MAGI1: variants seen among roughly 807,000 people sequenced by gnomAD.
MAGI1 encodes the protein membrane associated guanylate kinase, WW and PDZ domain containing 1.
MAGI1 carries 58 observed loss-of-function variants against 139.9 expected under a neutral mutation model. The ratio of observed to expected loss-of-function variants is 0.41; its 90% confidence interval spans 0.34 to 0.52. MAGI1 has a LOEUF of 0.52. Ranked by LOEUF, MAGI1 falls within the 20% of genes least tolerant of loss-of-function variation. The probability of loss-of-function intolerance (pLI) is 0.12; values close to 1 mark genes in which losing one functional copy is unlikely to be tolerated. For missense variants in MAGI1, 1,874 were observed against 1,901.6 expected (o/e 0.99, Z 0.27); for synonymous variants, 812 against 737.9 (o/e 1.10, Z -1.63).
chr3:65,674,953 T>C (rs1480686537), intron 1 of MAGI1, among the ~76,000 whole-genome samples: 7 of 152,342 alleles, frequency 4.6e-5, no homozygotes. Context: ...CCTTTGCTCC[T>C]GGTTCCCAAC....
At chr3:65,540,077 G>A (rs2079139931) in intron 2 of MAGI1, among the ~76,000 whole-genome samples, 1 of 152,136 alleles carries the variant, frequency 6.6e-6, no homozygotes, top group African/African-American at 2.4e-5. Flanking sequence ...ACAACATATG[G>A]AAAGTGCTTA....
At chr3:65,533,487 T>G (rs2078812005) in intron 2 of MAGI1, among the ~76,000 whole-genome samples, 1 of 152,212 alleles carries the variant, frequency 6.6e-6, no homozygotes, top group Non-Finnish European at 1.5e-5. Context: ...AATCATTACT[T>G]TAGTGTTGTG....
At chr3:65,561,757 C>T (rs1392943008) in intron 2 of MAGI1, among the ~76,000 whole-genome samples, 2 of 152,158 alleles carry the variant, frequency 1.3e-5, no homozygotes, top group Non-Finnish European at 2.9e-5. Context: ...CAAGCCATTG[C>T]TTTTAAAACT....
At chr3:65,610,222 A>C (rs4450738) in intron 2 of MAGI1, among the ~76,000 whole-genome samples, 103,524 of 151,950 alleles carry the variant, frequency 0.68, 36,122 homozygotes, top group Non-Finnish European at 0.76. Flanking sequence ...AAGCAATGCA[A>C]GACACTGAAT....
intron 22 of MAGI1, chr3:65,359,734 T>C (rs1940609129): frequency 2.0e-6 from 2 of 985,674 alleles, no homozygotes; most frequent in Non-Finnish European, 2.4e-6. Context: ...TCAACCCTTC[T>C]TGGAAAACCA....
chr3:65,879,737 T>C (rs570587395), intron 1 of MAGI1, among the ~76,000 whole-genome samples: 13 of 152,334 alleles, frequency 8.5e-5, no homozygotes, highest in African/African-American at 3.1e-4. Flanking sequence ...GGTAGCATTA[T>C]CATTTCATGA....
At chr3:65,975,015 G>C (rs1262167076) in intron 1 of MAGI1, among the ~76,000 whole-genome samples, 1 of 151,258 alleles carries the variant, frequency 6.6e-6, no homozygotes, top group Non-Finnish European at 1.5e-5. Context: ...CATAGGCAGG[G>C]TTATTTTTGT....
intron 1 of MAGI1, among the ~76,000 whole-genome samples, chr3:65,957,438 T>C (rs1186676692): frequency 2.7e-5 from 4 of 150,430 alleles, no homozygotes; most frequent in Non-Finnish European, 3.0e-5. Flanking sequence ...GGAAGATCGC[T>C]TGAGCCTGGG....
intron 2 of MAGI1, among the ~76,000 whole-genome samples, chr3:65,549,063 C>T (rs939828481): frequency 2.0e-5 from 3 of 152,078 alleles, no homozygotes; most frequent in African/African-American, 4.8e-5. Flanking sequence ...CCTGCCCTGG[C>T]GCCGCAGCCA....
Position 65,430,083 on chromosome 3 carries a change from A to G in MAGI1, c.1604T>C (p.Val535Ala). 6.2e-7 allele frequency: 1 copy of G among 1,613,806 alleles called. No homozygotes were observed. The highest frequency in any genetic ancestry group is 8.5e-7 in the Non-Finnish European group (1 of 1,179,870). The part of the protein sequence containing the change: ...TCVLGHTHAQ[V>A]VKIFQSIPIG... The stretch of plus-strand genomic sequence containing the variant: ...GGGGATGGACTGGAAGATCTTCACA[A>G]CTTGAGCATGTGTGTGTCCCAAAAC... The change falls in exon 12 of 23, where the codon GTT becomes GCT. Residue 535 changes from valine (V) to alanine (A), a missense_variant. Val to Ala is a moderately conservative substitution (Grantham distance 64). Coordinates refer to ENST00000402939, the MANE Select transcript of MAGI1 (RefSeq NM_001033057.2).
chr3:65,927,742 A>C (rs1298056328), intron 1 of MAGI1, among the ~76,000 whole-genome samples: 1 of 152,178 alleles, frequency 6.6e-6, no homozygotes, highest in African/African-American at 2.4e-5. Context: ...CACAAGATCA[A>C]CATCAGCCAA....
chr3:65,609,657 T>C (rs2106918877), intron 2 of MAGI1: 1 of 164,132 alleles, frequency 6.1e-6, no homozygotes, highest in Admixed American at 6.2e-5. Flanking sequence ...TGCTCATAGT[T>C]CACTGCAGCC....
chr3:65,400,143 C>T (rs1230296647), intron 13 of MAGI1, among the ~76,000 whole-genome samples: 5 of 152,196 alleles, frequency 3.3e-5, no homozygotes, highest in Non-Finnish European at 7.3e-5. Flanking sequence ...TGCGCACATG[C>T]ACACACTTTG....
chr3:65,683,674 ATATG>A (rs200874454), intron 1 of MAGI1, among the ~76,000 whole-genome samples: 233 of 90,446 alleles, frequency 2.6e-3, no homozygotes, highest in East Asian at 6.6e-3. Flanking sequence ...ATATATATAT[ATATG>A]TATGGCAAGC....
At chr3:66,001,055 G>T (rs2066712884) in intron 1 of MAGI1, among the ~76,000 whole-genome samples, 1 of 152,312 alleles carries the variant, frequency 6.6e-6, no homozygotes, top group Admixed American at 6.5e-5. Context: ...CAAGGGACCT[G>T]CTATCAAATA....
At chr3:65,864,968 C>T (rs1435923937) in intron 1 of MAGI1, among the ~76,000 whole-genome samples, 1 of 152,038 alleles carries the variant, frequency 6.6e-6, no homozygotes, top group Non-Finnish European at 1.5e-5. Context: ...TGTAGATATA[C>T]ACACCTGTAA....
intron 1 of MAGI1, among the ~76,000 whole-genome samples, chr3:65,919,957 G>C (rs773557773): frequency 4.6e-5 from 7 of 152,082 alleles, no homozygotes; most frequent in Non-Finnish European, 8.8e-5. Context: ...TGGAAACTCA[G>C]GAATGAAATA....
chr3:65,646,575 T>C (rs977159), intron 1 of MAGI1, among the ~76,000 whole-genome samples: 130,744 of 152,082 alleles, frequency 0.86, 56,327 homozygotes, highest in East Asian at 0.98. Flanking sequence ...ACAGAACAAT[T>C]GACCAAGCAA....
chr3:65,891,443 C>A (rs2060742217), intron 1 of MAGI1, among the ~76,000 whole-genome samples: 2 of 151,942 alleles, frequency 1.3e-5, no homozygotes, highest in Non-Finnish European at 2.9e-5. Flanking sequence ...TCAATAAAAC[C>A]CTTAAAGCAC....
Sources: allele counts gnomAD v4.1 joint callset (sites outside exome capture counted in the v4.1 genomes callset), GRCh38; gene constraint gnomAD v4.1.1; transcripts MANE v1.5; gene names NCBI Gene and HGNC (gene_info 2026-07-23, HGNC 2026-07-21).